Variants in SLC4A7 observed in about 807,000 individuals in gnomAD.
SLC4A7 encodes the protein solute carrier family 4 member 7.
A neutral mutation model predicts 137.6 loss-of-function variants in SLC4A7; 51 were observed. The ratio of observed to expected loss-of-function variants is 0.37; its 90% CI spans 0.30 to 0.47. The LOEUF (loss-of-function observed/expected upper bound fraction) is 0.47. SLC4A7 is among the 20% of genes least tolerant of loss of function. The probability of loss-of-function intolerance (pLI) is 1.00; values close to 1 mark genes in which losing one functional copy is unlikely to be tolerated. For missense variants in SLC4A7, 1,247 were observed against 1,525.4 expected (o/e 0.82, Z 3.04); for synonymous variants, 542 against 518.6 (o/e 1.05, Z -0.61).
chr3:27,461,045 A>AT (rs1458645689), intron 1 of SLC4A7, among the ~76,000 whole-genome samples: 8 of 152,236 alleles, frequency 5.3e-5, no homozygotes, highest in African/African-American at 1.4e-4. Context: ...GTAAAACACT[A>AT]AAGATTTCAC....
chr3:27,470,224 ATCT>A (rs2059178818), intron 1 of SLC4A7, among the ~76,000 whole-genome samples: 1 of 151,320 alleles, frequency 6.6e-6, no homozygotes, highest in Non-Finnish European at 1.5e-5. Context: ...CTAATTGTAG[ATCT>A]TTTTTTTTTT....
At chr3:27,406,051 T>C (rs1437833420) in intron 13 of SLC4A7, among the ~76,000 whole-genome samples, 1 of 151,988 alleles carries the variant, frequency 6.6e-6, no homozygotes, top group Non-Finnish European at 1.5e-5. Context: ...CATTAATTGG[T>C]AAAGGGAAGG....
intron 25 of SLC4A7, among the ~76,000 whole-genome samples, chr3:27,377,181 T>C (rs1576028473): frequency 6.6e-6 from 1 of 152,148 alleles, no homozygotes; most frequent in Admixed American, 6.5e-5. Flanking sequence ...GCATGAGACT[T>C]TTACTGAAAA....
intron 10 of SLC4A7, among the ~76,000 whole-genome samples, chr3:27,420,314 T>G (rs912267142): frequency 6.6e-6 from 1 of 152,072 alleles, no homozygotes; most frequent in Non-Finnish European, 1.5e-5. Flanking sequence ...AAGGTCCTGA[T>G]TAGTATGTAG....
rs1302220680 is a variant in SLC4A7, at chr3:27,375,116, A to G, written c.*1648T>C. ...TTACAATATGGTCTTAGAGGAGGAC[A>G]TTACATTAGTTAATAAATAGTTTAT... On this transcript the variant is annotated 3_prime_UTR_variant, in exon 26 of 26. Transcript: ENST00000454389. 6.6e-6 allele frequency: 1 copy of G among 152,054 alleles called. No individual in the cohort carries two copies. The highest frequency in any genetic ancestry group is 2.4e-5 in the African/African-American group (1 of 41,448). 9.4% of individuals were successfully genotyped at this position (152,054 alleles called of 1,614,324 possible). A position where few individuals can be genotyped will look rare whatever the true frequency, so the allele number is the denominator to read the frequency against.
intron 2 of SLC4A7, among the ~76,000 whole-genome samples, chr3:27,450,484 T>G (rs1331805638): frequency 6.6e-6 from 1 of 152,108 alleles, no homozygotes; most frequent in Non-Finnish European, 1.5e-5. Context: ...AAACTCAATT[T>G]TATTTTAATG....
intron 1 of SLC4A7, among the ~76,000 whole-genome samples, chr3:27,469,554 G>A (rs535657377): frequency 6.6e-6 from 1 of 152,214 alleles, no homozygotes; most frequent in African/African-American, 2.4e-5. Flanking sequence ...AATGGAGTTC[G>A]AGACCAGCCT....
intron 3 of SLC4A7, among the ~76,000 whole-genome samples, chr3:27,445,990 A>G (rs1297688219): frequency 3.1e-5 from 4 of 128,952 alleles, no homozygotes; most frequent in Admixed American, 8.2e-5. Flanking sequence ...ATATATATAT[A>G]TAGTGCCCTT....
chr3:27,407,986 T>C (rs1217597105), intron 13 of SLC4A7, among the ~76,000 whole-genome samples: 1 of 152,220 alleles, frequency 6.6e-6, no homozygotes, highest in African/African-American at 2.4e-5. Context: ...ACCTGATAAC[T>C]AATACATATC....
chr3:27,394,660 T>C lies in SLC4A7; in HGVS notation c.2975A>G (p.His992Arg). The stretch of plus-strand genomic sequence containing the variant: ...AGATTCAACTTTTAAGCTGTTGACA[T>C]GACTTATTGACAACACTGTTGCAGC... ...FVAATVLSIS[H>R]VNSLKVESEC... The change falls in exon 20 of 26, where the codon CAT becomes CGT. Residue 992 changes from histidine to arginine, a missense_variant. By Grantham distance (29) the His-to-Arg change is conservative. Coordinates refer to ENST00000454389, the MANE Select transcript of SLC4A7 (RefSeq NM_001321103.2). 1 of 1,614,206 alleles carries C rather than the reference T, an allele frequency of 6.2e-7. No individual in the cohort carries two copies. Among genetic ancestry groups the C allele is most frequent in the Non-Finnish European group, 8.5e-7 (1 of 1,180,038 alleles).
chr3:27,409,710 G>A (rs1381551124), intron 12 of SLC4A7, among the ~76,000 whole-genome samples, 180 bp from the exon 13 acceptor site: 1 of 152,082 alleles, frequency 6.6e-6, no homozygotes, highest in African/African-American at 2.4e-5. Context: ...AATGATAGAG[G>A]AATGTTATAT....
At chr3:27,466,872 T>G (rs1412973633) in intron 1 of SLC4A7, among the ~76,000 whole-genome samples, 1 of 152,032 alleles carries the variant, frequency 6.6e-6, no homozygotes, top group Admixed American at 6.6e-5. Flanking sequence ...AAAAAAAATT[T>G]TTTTAATTTT....
In SLC4A7 at chr3:27,375,468, A is replaced by T. The variant is rs1008359190; in HGVS notation, c.*1296T>A. On this transcript the variant is annotated 3_prime_UTR_variant, in exon 26 of 26. Transcript: ENST00000454389. ...CTAAAAAGATTTGTTAGACTTTAAA[A>T]AGCTCAGAAAAGCAAAAACTAATAC... The T allele has an allele frequency of 1.3e-5, 2 of 152,450 alleles. No homozygotes were observed. Among genetic ancestry groups the T allele is most frequent in the Non-Finnish European group, 2.9e-5 (2 of 67,888 alleles). 9.4% of individuals were successfully genotyped at this position (152,450 alleles called of 1,614,324 possible).
chr3:27,394,159 C>T (rs929112661), intron 20 of SLC4A7, among the ~76,000 whole-genome samples: 18 of 148,856 alleles, frequency 1.2e-4, no homozygotes, highest in East Asian at 3.9e-4. Flanking sequence ...GCTGGCACCA[C>T]GGGAGCATGC....
In SLC4A7 at chr3:27,403,272, G is replaced by C; in HGVS notation, c.2188C>G (p.Arg730Gly). 1.9e-6 allele frequency: 3 copies of C among 1,613,912 alleles called. No homozygotes were observed. The highest frequency in any genetic ancestry group is 2.5e-6 in the Non-Finnish European group (3 of 1,179,952). The change falls in exon 15 of 26, where the codon CGA (arginine) becomes GGA (glycine). Residue 730 changes from arginine to glycine, a missense_variant. Coordinates refer to ENST00000454389, the MANE Select transcript of SLC4A7 (RefSeq NM_001321103.2). ...GCTGCAAAAGCCTCTTCTGTAAATC[G>C]AGTAATATAACACACAAGGCTGCTT... ...DASSLVCYIT[R>G]FTEEAFAALI...
At chr3:27,382,253 G>T (rs1262124850) in intron 24 of SLC4A7, among the ~76,000 whole-genome samples, 4 of 151,920 alleles carry the variant, frequency 2.6e-5, no homozygotes, top group Non-Finnish European at 5.9e-5. Flanking sequence ...CTGAGTAGCT[G>T]GGATTACAGG....
intron 6 of SLC4A7, among the ~76,000 whole-genome samples, chr3:27,432,289 A>C (rs2056377235): frequency 6.6e-6 from 1 of 152,200 alleles, no homozygotes; most frequent in Admixed American, 6.5e-5. Context: ...CACAATGTCA[A>C]TTTTAAAGGA....
In SLC4A7 at chr3:27,411,700, C is replaced by T. The variant is rs150040978; in HGVS notation, c.1708G>A (p.Gly570Ser). The T allele has an allele frequency of 1.3e-6, 2 of 1,560,856 alleles. No individual in the cohort carries two copies. The highest frequency in any genetic ancestry group is 2.8e-5 in the African/African-American group (2 of 72,612). ...VFHNGSTPTL[G>S]ETPKEAAHHA... is the part of the protein sequence containing the mutation. ...TGAGCGGCCTCTTTAGGAGTCTCAC[C>T]CAGTGTGGGGGTAGATCCATTGTGA... The change falls in exon 12 of 26, where the codon GGT (glycine) becomes AGT (serine). Residue 570 changes from glycine (G) to serine (S), a missense_variant. Coordinates refer to ENST00000454389, the MANE Select transcript of SLC4A7 (RefSeq NM_001321103.2).
chr3:27,462,172 C>T (rs1001579845), intron 1 of SLC4A7, among the ~76,000 whole-genome samples: 2 of 152,096 alleles, frequency 1.3e-5, no homozygotes, highest in Non-Finnish European at 2.9e-5. Flanking sequence ...TAGGGAGACA[C>T]AGACACTTTT....
Sources: gnomAD v4.1 joint callset for allele counts (sites outside exome capture counted in the v4.1 genomes callset) on GRCh38, gnomAD v4.1.1 for gene constraint, MANE v1.5 for transcripts, NCBI Gene and HGNC (gene_info 2026-07-23, HGNC 2026-07-21) for gene names.